Variants in TTC21B observed in about 807,000 individuals in gnomAD.
The protein encoded by TTC21B is tetratricopeptide repeat domain 21B.
Under a neutral mutation model 175.1 loss-of-function variants are expected in TTC21B, and 127 were observed. That is an observed-to-expected ratio of 0.73 (90% CI 0.63 to 0.84). The LOEUF (loss-of-function observed/expected upper bound fraction) is 0.84. Ranked by LOEUF, TTC21B falls within the 40% of genes least tolerant of loss-of-function variation. The probability of loss-of-function intolerance (pLI) is 0.00; values close to 1 mark genes in which losing one functional copy is unlikely to be tolerated. For missense variants in TTC21B, 1,561 were observed against 1,558.3 expected (o/e 1.00, Z -0.03); for synonymous variants, 524 against 524.5 (o/e 1.00, Z 0.01).
At chr2:165,877,869 T>C (rs1476058945) in intron 27 of TTC21B, among the ~76,000 whole-genome samples, 2 of 152,168 alleles carry the variant, frequency 1.3e-5, no homozygotes, top group African/African-American at 2.4e-5. Flanking sequence ...TTAATGTCAT[T>C]ACCAACAAAT....
chr2:165,918,222 G>A (rs1051746853), intron 13 of TTC21B, among the ~76,000 whole-genome samples: 4 of 152,190 alleles, frequency 2.6e-5, no homozygotes, highest in African/African-American at 7.2e-5. Flanking sequence ...CTCAGTAAAG[G>A]TGGGGCACCA....
chr2:165,929,630 GATAAA>G lies in TTC21B; in HGVS notation c.1185+15_1185+19del, dbSNP rs765485099. ...TATAAACAGCTAGCATCTACCAGCTGATAAAATAAAATACTGTACCGCAGATTTTC... is the reference window on the plus strand; with the variant it reads ...TATAAACAGCTAGCATCTACCAGCTGATAAAATACTGTACCGCAGATTTTC... On this transcript the variant is annotated intron_variant, in intron 10 of 28. Coordinates refer to ENST00000243344, the MANE Select transcript of TTC21B (RefSeq NM_024753.5). The G allele has an allele frequency of 3.2e-6, 5 of 1,545,120 alleles. No individual in the cohort carries two copies. In the Admixed American group the frequency reaches 5.0e-5, roughly 16 times the overall value.
chr2:165,923,462 T>C (rs903304405), intron 12 of TTC21B, among the ~76,000 whole-genome samples: 18 of 150,158 alleles, frequency 1.2e-4, no homozygotes, highest in South Asian at 2.1e-4. Context: ...TTTTTTTTTT[T>C]CCAAGACAGA....
chr2:165,904,095 T>C (rs565910988), intron 19 of TTC21B, among the ~76,000 whole-genome samples: 4 of 152,300 alleles, frequency 2.6e-5, no homozygotes, highest in Admixed American at 2.0e-4. Context: ...CAGAGGCTCA[T>C]GGGACCATGG....
At chr2:165,875,273 T>C (rs1032541147) in intron 28 of TTC21B, among the ~76,000 whole-genome samples, 2 of 14,668 alleles carry the variant, frequency 1.4e-4, no homozygotes, top group Non-Finnish European at 2.5e-4. Flanking sequence ...GAGATGCTAG[T>C]TTTTTTTTTT....
intron 1 of TTC21B, 42 bp downstream of exon 1, chr2:165,953,643 G>GGGGGCC: frequency 7.3e-7 from 1 of 1,372,598 alleles, no homozygotes; most frequent in Non-Finnish European, 9.6e-7. Context: ...AAGGAACTCC[G>GGGGGCC]CCCGCCCGCC....
At chr2:165,915,591 AT>A (rs1253904043) in intron 14 of TTC21B, 152 bp from the exon 15 acceptor site, 1 of 764,362 alleles carries the variant, frequency 1.3e-6, no homozygotes, top group African/African-American at 1.8e-5. Flanking sequence ...AACCTCAAAA[AT>A]TTAAAACTAA....
chr2:165,875,209 C>G (rs6742481), intron 28 of TTC21B, among the ~76,000 whole-genome samples: 1 of 151,982 alleles, frequency 6.6e-6, no homozygotes, highest in African/African-American at 2.4e-5. Context: ...TTAGCTTTAC[C>G]TGAAATGATC....
At chr2:165,950,352 TCA>T (rs1687723544) in intron 1 of TTC21B, among the ~76,000 whole-genome samples, 2 of 152,190 alleles carry the variant, frequency 1.3e-5, no homozygotes. Flanking sequence ...AAAACTACTA[TCA>T]GGACCTACTA....
chr2:165,905,833 T>G (rs1685708661), intron 19 of TTC21B, among the ~76,000 whole-genome samples: 1 of 152,166 alleles, frequency 6.6e-6, no homozygotes, highest in Non-Finnish European at 1.5e-5. Context: ...TTGAACTAAG[T>G]ATTTATTAGG....
chr2:165,940,573 T>C (rs1266338516), intron 6 of TTC21B, among the ~76,000 whole-genome samples: 2 of 152,326 alleles, frequency 1.3e-5, no homozygotes, highest in South Asian at 2.1e-4. Flanking sequence ...CTCTCAAATA[T>C]CTGCATGGCT....
At chr2:165,888,896 C>T (rs1180295579) in intron 24 of TTC21B, among the ~76,000 whole-genome samples, 1 of 144,522 alleles carries the variant, frequency 6.9e-6, no homozygotes, top group Non-Finnish European at 1.5e-5. Flanking sequence ...CCATTTTACA[C>T]ACAGGAAAAC....
rs771110871 is a variant in TTC21B at position 165,883,829 on chromosome 2, C to G, written c.3649G>C (p.Glu1217Gln). The G allele has an allele frequency of 6.2e-7, 1 of 1,614,040 alleles. No homozygotes were observed. Among genetic ancestry groups the G allele is most frequent in the Non-Finnish European group, 8.5e-7 (1 of 1,179,930 alleles). ...YIQSAKYDMAEDLLKRCLRHN... is the reference protein window; with the variant it reads ...YIQSAKYDMAQDLLKRCLRHN... ...CGCAGGCACCGTTTTAACAGGTCTT[C>G]TGCCATGTCATATTTTGCTGATTGA... Residue 1217 changes from glutamate (E) to glutamine (Q), a missense_variant, in exon 26 of 29, where the codon GAA becomes CAA. By Grantham distance (29) the Glu-to-Gln change is conservative. Transcript: ENST00000243344.
At position 165,943,080 on chromosome 2, in the gene TTC21B, C is replaced by A. The variant is rs114579734; in HGVS notation, c.552+139G>T. 3 of 794,410 alleles carry A rather than the reference C, an allele frequency of 3.8e-6. No homozygotes were observed. In the East Asian group the frequency reaches 8.0e-5, roughly 21 times the overall value. The allele number at this position is 794,410 out of a possible 1,614,324, so 49.2% of individuals were successfully genotyped here. A position where few individuals can be genotyped will look rare whatever the true frequency, so the allele number is the denominator to read the frequency against. ...TATTGCTCATTGTCCTACACAAATG[C>A]CAGTCTACCTTACAGCTGTGAGCTG... On this transcript the variant is annotated intron_variant, in intron 5 of 28. Transcript: ENST00000243344.
At chr2:165,924,503 T>C (rs1487872959) in intron 12 of TTC21B, 46 bp downstream of exon 12, 3 of 1,583,832 alleles carry the variant, frequency 1.9e-6, no homozygotes, top group Admixed American at 1.7e-5. Context: ...CTTGTTTTTA[T>C]CAACATCAGA....
chr2:165,890,617 G>A lies in TTC21B; in HGVS notation c.3125C>T (p.Ala1042Val). 6.2e-7 allele frequency: 1 copy of A among 1,613,688 alleles called. No individual in the cohort carries two copies. Among genetic ancestry groups the A allele is most frequent in the Non-Finnish European group, 8.5e-7 (1 of 1,179,746 alleles). ...CCGAGCTTTATTAAAATGTCGAAGG[G>A]CATCATTTGGTTCTCCAGTGTACCT... ...YLWYTGEPND[A>V]LRHFNKARKD... Residue 1042 changes from alanine to valine, a missense_variant, in exon 24 of 29, where the codon GCC (alanine) becomes GTC (valine). Coordinates refer to ENST00000243344, the MANE Select transcript of TTC21B (RefSeq NM_024753.5).
chr2:165,928,101 C>T (rs1021335464), intron 11 of TTC21B, among the ~76,000 whole-genome samples: 9 of 152,132 alleles, frequency 5.9e-5, no homozygotes, highest in African/African-American at 2.2e-4. Flanking sequence ...CAATTATACT[C>T]AAAACTGTTA....
At chr2:165,911,526 T>C in intron 17 of TTC21B, 61 bp from the exon 18 acceptor site, 1 of 1,588,608 alleles carries the variant, frequency 6.3e-7, no homozygotes, top group Non-Finnish European at 8.6e-7. Flanking sequence ...CAAGCAGAGC[T>C]ATTTAATACA....
At chr2:165,877,103 A>G (rs1395838080) in intron 27 of TTC21B, among the ~76,000 whole-genome samples, 1 of 152,178 alleles carries the variant, frequency 6.6e-6, no homozygotes, top group African/African-American at 2.4e-5. Context: ...GAGAAAACTA[A>G]GAAGACAAGA....
Sources: gnomAD v4.1 joint callset for allele counts (sites outside exome capture counted in the v4.1 genomes callset) on GRCh38, gnomAD v4.1.1 for gene constraint, MANE v1.5 for transcripts, NCBI Gene and HGNC (gene_info 2026-07-23, HGNC 2026-07-21) for gene names.